Variants in DGKH observed in about 807,000 individuals in gnomAD.
The protein encoded by DGKH is DAG kinase eta.
A neutral mutation model predicts 159.3 loss-of-function variants in DGKH; 90 were observed. The observed-to-expected ratio is 0.57, with a 90% CI of 0.48 to 0.67. The LOEUF (loss-of-function observed/expected upper bound fraction) is 0.67. DGKH is among the 30% of genes least tolerant of loss of function. DGKH has a pLI of 0.00. For missense variants in DGKH, 1,181 were observed against 1,506.1 expected (o/e 0.78, Z 3.57); for synonymous variants, 536 against 553.8 (o/e 0.97, Z 0.45).
At chr13:42,069,201 G>C (rs1188320356) in intron 1 of DGKH, 13 of 1,282,108 alleles carry the variant, frequency 1.0e-5, no homozygotes, top group Middle Eastern at 5.6e-4. Context: ...TCCTGCTGAA[G>C]AACTTGTCTA....
At chr13:42,244,899 G>T (rs1224971062), downstream of DGKH, among the ~76,000 whole-genome samples, 1 of 59,558 alleles carries the variant, frequency 1.7e-5, no homozygotes, top group Non-Finnish European at 2.7e-5. Flanking sequence ...GCGAGACTCC[G>T]TCTCAAAAAA....
chr13:42,142,103 T>A (rs1955577790), intron 3 of DGKH, among the ~76,000 whole-genome samples: 1 of 151,946 alleles, frequency 6.6e-6, no homozygotes, highest in Non-Finnish European at 1.5e-5. Flanking sequence ...CAGTTTCAGC[T>A]TTCTACATAT....
intron 1 of DGKH, among the ~76,000 whole-genome samples, chr13:42,049,246 G>C (rs931139910): frequency 1.3e-5 from 2 of 151,976 alleles, no homozygotes; most frequent in Non-Finnish European, 2.9e-5. Context: ...ATTCCCGGCG[G>C]CTGCGCGGGA....
At chr13:42,088,929 C>G (rs1253087223) in intron 1 of DGKH, among the ~76,000 whole-genome samples, 1 of 151,992 alleles carries the variant, frequency 6.6e-6, no homozygotes, top group South Asian at 2.1e-4. Flanking sequence ...AAAAGATATA[C>G]CATGCAAATG....
intron 3 of DGKH, among the ~76,000 whole-genome samples, chr13:42,140,169 G>C (rs1032793646): frequency 1.3e-5 from 2 of 152,168 alleles, no homozygotes; most frequent in Non-Finnish European, 2.9e-5. Flanking sequence ...CATGTTTTAT[G>C]AAGCTGATTT....
At chr13:42,165,992 A>G (rs1289779101) in intron 8 of DGKH, among the ~76,000 whole-genome samples, 2 of 152,238 alleles carry the variant, frequency 1.3e-5, no homozygotes, top group Non-Finnish European at 1.5e-5. Flanking sequence ...TTTATGTAAC[A>G]GACTTGAGCA....
intron 1 of DGKH, among the ~76,000 whole-genome samples, chr13:42,063,712 G>A (rs2137672950): frequency 6.6e-6 from 1 of 152,158 alleles, no homozygotes; most frequent in East Asian, 1.9e-4. Context: ...AGCTGAGGCG[G>A]GTGGGTCACC....
chr13:42,190,268 T>G, intron 15 of DGKH, 135 bp from the exon 16 acceptor site: 1 of 1,031,382 alleles, frequency 9.7e-7, no homozygotes, highest in Non-Finnish European at 1.4e-6. Flanking sequence ...CCCAAGTTCA[T>G]TGCTAAATAG....
rs114413884 is a variant in DGKH, at chr13:42,101,952, C to T, written c.193-25511C>T. Among the ~76,000 whole-genome samples the T allele has an allele frequency of 3.0e-3, 463 of 152,282 alleles. 2 individuals are homozygous for T. The highest frequency in any genetic ancestry group is 0.011 in the African/African-American group (451 of 41,566). ...ACAGGATGTTGAGATAGGTTTCATT[C>T]TGTCTCAGTTTTGGCTGAGGCCCCA... On this transcript the variant is annotated intron_variant, in intron 1 of 29. Transcript: ENST00000337343.
At chr13:42,169,426 C>T (rs1374155228) in intron 11 of DGKH, among the ~76,000 whole-genome samples, 6 of 151,932 alleles carry the variant, frequency 3.9e-5, no homozygotes, top group East Asian at 3.8e-4. Flanking sequence ...TCTGAATGTC[C>T]GTGTATAAAA....
At chr13:42,149,012 A>ATAGCTCAC (rs1240814823) in intron 3 of DGKH, among the ~76,000 whole-genome samples, 3 of 132,818 alleles carry the variant, frequency 2.3e-5, no homozygotes, top group African/African-American at 8.6e-5. Context: ...TGGCGTGATC[A>ATAGCTCAC]TAGCTCACTG....
At chr13:42,199,212 A>AAG (rs990055675) in intron 18 of DGKH, among the ~76,000 whole-genome samples, 3 of 152,006 alleles carry the variant, frequency 2.0e-5, no homozygotes, top group South Asian at 2.1e-4. Flanking sequence ...AATGATAAAA[A>AAG]AGAGAGAGAG....
chr13:42,081,583 G>T (rs907833285), intron 1 of DGKH, among the ~76,000 whole-genome samples: 3 of 152,148 alleles, frequency 2.0e-5, no homozygotes, highest in Non-Finnish European at 4.4e-5. Context: ...GACTTAAACA[G>T]CTCCATGTTT....
chr13:42,193,219 A>C (rs1165694218), intron 16 of DGKH, among the ~76,000 whole-genome samples: 1 of 152,138 alleles, frequency 6.6e-6, no homozygotes, highest in Non-Finnish European at 1.5e-5. Flanking sequence ...GGCTGTTAGG[A>C]GGATTGGTTT....
intron 20 of DGKH, among the ~76,000 whole-genome samples, chr13:42,203,890 T>A (rs1010331018): frequency 1.3e-5 from 2 of 152,170 alleles, no homozygotes; most frequent in African/African-American, 2.4e-5. Flanking sequence ...AAATATTTTT[T>A]AAAAATTTAA....
intron 23 of DGKH, among the ~76,000 whole-genome samples, chr13:42,209,769 G>A (rs1045123673): frequency 6.6e-6 from 1 of 151,968 alleles, no homozygotes; most frequent in African/African-American, 2.4e-5. Context: ...GCATTAGTGT[G>A]GCACATTTGT....
chr13:42,197,085 A>G (rs1957218179), intron 17 of DGKH, among the ~76,000 whole-genome samples: 1 of 151,952 alleles, frequency 6.6e-6, no homozygotes, highest in South Asian at 2.1e-4. Context: ...CCCCGTCTCT[A>G]CTAAAAATAC....
intron 1 of DGKH, among the ~76,000 whole-genome samples, chr13:42,085,427 G>A (rs943832503): frequency 6.6e-6 from 1 of 152,166 alleles, no homozygotes; most frequent in Non-Finnish European, 1.5e-5. Flanking sequence ...GCTGTAAAGG[G>A]AAAAGCCCAG....
intron 16 of DGKH, among the ~76,000 whole-genome samples, chr13:42,192,000 T>C (rs191845187): frequency 1.2e-3 from 181 of 152,274 alleles, no homozygotes; most frequent in African/African-American, 4.1e-3. Context: ...ACCTACTTCA[T>C]TGGGTTGCTG....
Sources: gnomAD v4.1 joint callset for allele counts (sites outside exome capture counted in the v4.1 genomes callset) on GRCh38, gnomAD v4.1.1 for gene constraint, MANE v1.5 for transcripts, NCBI Gene and HGNC (gene_info 2026-07-23, HGNC 2026-07-21) for gene names.